The following CHST9 variants were observed in gnomAD, a reference collection of about 807,000 sequenced individuals.
CHST9 encodes the protein carbohydrate sulfotransferase 9.
In CHST9, 41 loss-of-function variants were observed where a neutral mutation model predicts 44.4. That is an observed-to-expected ratio of 0.92 (90% CI 0.72 to 1.20). The LOEUF is 1.20. Among genes scored for constraint, CHST9 ranks in the 50% most tolerant of loss-of-function variants. The probability of loss-of-function intolerance (pLI) is 0.00; values close to 1 mark genes in which losing one functional copy is unlikely to be tolerated. For synonymous variants in CHST9, 171 were observed against 178.4 expected (o/e 0.96, Z 0.33); for missense variants, 504 against 516.5 (o/e 0.98, Z 0.23).
intron 2 of CHST9, among the ~76,000 whole-genome samples, chr18:27,078,748 G>T (rs1356461687): frequency 6.6e-6 from 1 of 152,092 alleles, no homozygotes; most frequent in African/African-American, 2.4e-5. Context: ...CTGAAAAAGG[G>T]TGGCAGAGCG....
At chr18:26,933,595 A>C (rs1256927584) in intron 5 of CHST9, 1 of 153,732 alleles carries the variant, frequency 6.5e-6, no homozygotes, top group East Asian at 1.9e-4. Flanking sequence ...TTGCTTAAAC[A>C]CATTTTGTTT....
rs192694019 is a variant in CHST9, at chr18:27,077,075, T to C, written c.122-28572A>G. Among the ~76,000 whole-genome samples the C allele has an allele frequency of 2.7e-3, 405 of 152,328 alleles. 1 individual carries two copies. The highest frequency in any genetic ancestry group is 9.5e-3 in the African/African-American group (396 of 41,584). On this transcript the variant is annotated intron_variant, in intron 2 of 5. Coordinates refer to ENST00000618847, the MANE Select transcript of CHST9 (RefSeq NM_031422.6). Reference sequence around the variant, plus strand: ...GTGCATAAAATTCTGAATTTATAGCTTCACATGGTTCATTTAACCCACCAA... The same window carrying C: ...GTGCATAAAATTCTGAATTTATAGCCTCACATGGTTCATTTAACCCACCAA...
chr18:27,128,018 C>T (rs2058439869), intron 2 of CHST9, among the ~76,000 whole-genome samples: 1 of 152,060 alleles, frequency 6.6e-6, no homozygotes, highest in South Asian at 2.1e-4. Context: ...CTCTAGAAAA[C>T]AGGAGGGAAA....
chr18:27,105,301 TAAAGAA>T (rs1198084179), intron 2 of CHST9, among the ~76,000 whole-genome samples: 3 of 152,148 alleles, frequency 2.0e-5, no homozygotes, highest in African/African-American at 7.2e-5. Flanking sequence ...CTACTTGCCT[TAAAGAA>T]AAGAAAGCAA....
At chr18:27,069,493 A>C (rs547016284) in intron 2 of CHST9, among the ~76,000 whole-genome samples, 2 of 152,296 alleles carry the variant, frequency 1.3e-5, no homozygotes, top group South Asian at 4.1e-4. Flanking sequence ...AAATGTTCCC[A>C]AAAAGCCAGT....
At chr18:27,100,818 T>G (rs186850136) in intron 2 of CHST9, among the ~76,000 whole-genome samples, 1 of 152,200 alleles carries the variant, frequency 6.6e-6, no homozygotes, top group East Asian at 1.9e-4. Flanking sequence ...GATTTTTAAA[T>G]AATTTCAGAT....
intron 2 of CHST9, among the ~76,000 whole-genome samples, chr18:27,058,558 C>G (rs759101300): frequency 2.0e-5 from 3 of 152,136 alleles, no homozygotes; most frequent in Non-Finnish European, 4.4e-5. Context: ...GTGCTCCAGA[C>G]ACCATGTAAG....
At chr18:26,919,686 C>T (rs1214834827) in intron 5 of CHST9, among the ~76,000 whole-genome samples, 3 of 152,038 alleles carry the variant, frequency 2.0e-5, no homozygotes, top group Admixed American at 2.0e-4. Flanking sequence ...CTCTTCTCTG[C>T]TTGACAATCA....
intron 1 of CHST9, among the ~76,000 whole-genome samples, chr18:27,184,389 C>T (rs2143993242): frequency 6.6e-6 from 1 of 152,266 alleles, no homozygotes; most frequent in African/African-American, 2.4e-5. Context: ...CAGAAACATG[C>T]TGATAGGCAG....
chr18:27,176,755 A>T (rs968102661), intron 1 of CHST9, among the ~76,000 whole-genome samples: 1 of 152,038 alleles, frequency 6.6e-6, no homozygotes, highest in Non-Finnish European at 1.5e-5. Context: ...ATGTATGTTG[A>T]GAAATCCCAA....
At chr18:26,969,374 CTCTGTGTGTGTGTG>C (rs1352779044) in intron 4 of CHST9, among the ~76,000 whole-genome samples, 23 of 149,360 alleles carry the variant, frequency 1.5e-4, no homozygotes, top group East Asian at 5.9e-4. Context: ...CTCTCTCTCT[CTCTGTGTGTGTGTG>C]TGTGTGTGTG....
At chr18:27,150,356 C>A (rs1170975418) in intron 1 of CHST9, among the ~76,000 whole-genome samples, 1 of 152,174 alleles carries the variant, frequency 6.6e-6, no homozygotes, top group Non-Finnish European at 1.5e-5. Flanking sequence ...CTAGCACATT[C>A]TAAACATTAC....
chr18:27,014,184 AACAC>A (rs756333904), intron 4 of CHST9, among the ~76,000 whole-genome samples: 4 of 151,856 alleles, frequency 2.6e-5, no homozygotes, highest in South Asian at 2.1e-4. Flanking sequence ...AATTTTAGTT[AACAC>A]ACACACACAC....
chr18:26,955,906 A>C lies in CHST9; in HGVS notation c.203-11540T>G, dbSNP rs75618571. Reference sequence around the variant, plus strand: ...AGTCAGTTGAGGATCAGGGGGACTCAGGAGCCACATAGTTCATTTCTGTGA... The same window carrying C: ...AGTCAGTTGAGGATCAGGGGGACTCCGGAGCCACATAGTTCATTTCTGTGA... On this transcript the variant is annotated intron_variant, in intron 4 of 5. Coordinates refer to ENST00000618847, the MANE Select transcript of CHST9 (RefSeq NM_031422.6). 4.1e-3 allele frequency among the ~76,000 whole-genome samples: 621 copies of C among 152,276 alleles called. 2 individuals carry two copies. Among genetic ancestry groups the C allele is most frequent in the African/African-American group, 0.014 (588 of 41,562 alleles).
chr18:27,046,812 T>G (rs1027881109), intron 3 of CHST9, among the ~76,000 whole-genome samples: 5 of 152,102 alleles, frequency 3.3e-5, no homozygotes, highest in Non-Finnish European at 7.4e-5. Flanking sequence ...GCTCTATCCA[T>G]TAGTTATCCT....
intron 3 of CHST9, among the ~76,000 whole-genome samples, chr18:27,043,635 T>C (rs1171950832): frequency 1.3e-5 from 2 of 152,036 alleles, no homozygotes; most frequent in Non-Finnish European, 2.9e-5. Context: ...CTTCATCCTG[T>C]TATTCTTGGG....
intron 3 of CHST9, among the ~76,000 whole-genome samples, chr18:27,043,028 A>G (rs2057462632): frequency 6.6e-6 from 1 of 152,066 alleles, no homozygotes; most frequent in African/African-American, 2.4e-5. Context: ...GTGGCACTGG[A>G]CAGGTTTGAC....
chr18:27,153,568 ATG>A (rs35308421), intron 1 of CHST9, among the ~76,000 whole-genome samples: 45,709 of 120,398 alleles, frequency 0.38, 7,510 homozygotes, highest in Non-Finnish European at 0.45. Context: ...GTGTGTGTGT[ATG>A]TGTGTGTGTG....
At chr18:27,161,369 C>T (rs1483058383) in intron 1 of CHST9, among the ~76,000 whole-genome samples, 4 of 152,028 alleles carry the variant, frequency 2.6e-5, no homozygotes, top group Admixed American at 6.6e-5. Context: ...TCGTTATGTA[C>T]CCAGTAGTCA....
Sources: gnomAD v4.1 joint callset for allele counts (sites outside exome capture counted in the v4.1 genomes callset) on GRCh38, gnomAD v4.1.1 for gene constraint, MANE v1.5 for transcripts, NCBI Gene and HGNC (gene_info 2026-07-23, HGNC 2026-07-21) for gene names.